The following TMEM94 variants were observed in gnomAD, a reference collection of about 807,000 sequenced individuals.
TMEM94 encodes ER Mg2+ ATPase.
TMEM94 carries 81 observed loss-of-function variants against 158.6 expected under a neutral mutation model. That is an observed-to-expected ratio of 0.51 (90% CI 0.43 to 0.61). The LOEUF is 0.61. Ranked by LOEUF, TMEM94 falls within the 20% of genes least tolerant of loss-of-function variation. The pLI, the probability that TMEM94 is intolerant of heterozygous loss-of-function variation, is 0.00. For synonymous variants in TMEM94, 751 were observed against 730.7 expected, an observed-to-expected ratio of 1.03 and a Z score of -0.45; for missense variants, 1,435 against 1,762.0, an observed-to-expected ratio of 0.81 and a Z score of 3.32.
chr17:75,493,735 G>T lies in TMEM94; in HGVS notation c.2226G>T (p.Leu742=), dbSNP rs1029359270. Residue 742 remains leucine (L), a synonymous_variant, in exon 18 of 32, where the codon CTG becomes CTT. Coordinates refer to ENST00000314256, the MANE Select transcript of TMEM94 (RefSeq NM_014738.6). ...KVLDFYQRAC[L]SGYCSAFAYK... ...TGGACTTCTACCAGCGAGCCTGCCT[G>T]TCTGGGTATTGCTCTGCCTTCGCCT... is the stretch of plus-strand genomic sequence containing the variant. 1.2e-6 allele frequency: 2 copies of T among 1,614,126 alleles called. No individual in the cohort carries two copies. The highest frequency in any genetic ancestry group is 1.7e-6 in the Non-Finnish European group (2 of 1,180,040).
intron 1 of TMEM94, chr17:75,457,417 AC>A (rs895489031): frequency 2.0e-5 from 3 of 152,220 alleles, no homozygotes; most frequent in African/African-American, 7.2e-5. Context: ...CTAGCATGCC[AC>A]GATGCGGCCC....
At chr17:75,475,772 T>C (rs1400633853) in intron 2 of TMEM94, among the ~76,000 whole-genome samples, 1 of 152,178 alleles carries the variant, frequency 6.6e-6, no homozygotes, top group African/African-American at 2.4e-5. Context: ...TCTGAATGTA[T>C]TGGGGCATCA....
chr17:75,489,159 C>A lies in TMEM94; in HGVS notation c.765-107C>A. On this transcript the variant is annotated intron_variant, in intron 7 of 31. Transcript: ENST00000314256. The surrounding 1 kb of genome is among the most constrained non-coding windows in gnomAD (Gnocchi z 5.0). Reference sequence around the variant, plus strand: ...GGGCAGAGCGTGGAACTGCAGGACTCACGGTGCTTGAAGAAGCGGTATCTG... The same window carrying A: ...GGGCAGAGCGTGGAACTGCAGGACTAACGGTGCTTGAAGAAGCGGTATCTG... 2.7e-6 allele frequency: 3 copies of A among 1,114,292 alleles called. No homozygotes were observed. Among genetic ancestry groups the A allele is most frequent in the Non-Finnish European group, 4.0e-6 (3 of 752,472 alleles). The allele number at this position is 1,114,292 out of a possible 1,614,324, so 69.0% of individuals were successfully genotyped here. A position where few individuals can be genotyped will look rare whatever the true frequency, so the allele number is the denominator to read the frequency against.
intron 1 of TMEM94, among the ~76,000 whole-genome samples, chr17:75,465,369 C>T (rs894572118): frequency 6.6e-6 from 1 of 151,880 alleles, no homozygotes; most frequent in African/African-American, 2.4e-5. Flanking sequence ...ACCATCTTTT[C>T]ATATTCATAT....
intron 2 of TMEM94, among the ~76,000 whole-genome samples, chr17:75,475,956 ATCT>A (rs2050671037): frequency 6.6e-6 from 1 of 152,154 alleles, no homozygotes; most frequent in South Asian, 2.1e-4. Flanking sequence ...CACTGCTCAA[ATCT>A]TCTCAGCGGC....
intron 1 of TMEM94, among the ~76,000 whole-genome samples, chr17:75,461,561 G>GC (rs1473449474): frequency 6.6e-6 from 1 of 152,102 alleles, no homozygotes; most frequent in African/African-American, 2.4e-5. Context: ...CCATTCCCTA[G>GC]CCACTCAGTT....
intron 5 of TMEM94, 142 bp downstream of exon 5, chr17:75,486,568 G>T (rs1044354171): frequency 9.6e-7 from 1 of 1,037,256 alleles, no homozygotes; most frequent in East Asian, 2.6e-5. Flanking sequence ...GAGTTAGAAG[G>T]ATGCCCACTC....
Position 75,488,732 on chromosome 17 carries a change from T to G in TMEM94, c.613-27T>G, listed in dbSNP as rs760881538. On this transcript the variant is annotated intron_variant, in intron 6 of 31. Transcript: ENST00000314256. ...GTGGCCTCTGATAGGACCCTCTCGT[T>G]CCCACTCTCCCACTTGCTGCCGGCA... 2.5e-6 allele frequency: 4 copies of G among 1,613,136 alleles called. No individual in the cohort carries two copies. The Admixed American group carries it at 6.7e-5, about 27-fold the overall frequency.
chr17:75,463,151 C>T (rs1178108534), intron 1 of TMEM94, among the ~76,000 whole-genome samples: 4 of 30,028 alleles, frequency 1.3e-4, no homozygotes, highest in Non-Finnish European at 2.3e-4. Flanking sequence ...TATATATACA[C>T]GTATATATAT....
chr17:75,490,818 T>G, intron 11 of TMEM94, 60 bp downstream of exon 11: 1 of 1,501,032 alleles, frequency 6.7e-7, no homozygotes, highest in Non-Finnish European at 9.3e-7. Flanking sequence ...ACCCTGGGAC[T>G]CCCCTATTTA....
chr17:75,485,284 G>A lies in TMEM94; in HGVS notation c.25-144G>A, dbSNP rs1250038756. ...GGAGATGGACATGGTCACACCTTGA[G>A]AGGCCAGAGCTGGTAGGGGAAGAGA... is the stretch of plus-strand genomic sequence containing the variant. On this transcript the variant is annotated intron_variant, in intron 2 of 31. Transcript: ENST00000314256. This position sits in a 1 kb window ranked among gnomAD's most constrained non-coding sequence, Gnocchi z 5.5. 4.6e-6 allele frequency: 4 copies of A among 865,302 alleles called. No homozygotes were observed. Among genetic ancestry groups the A allele is most frequent in the Non-Finnish European group, 1.8e-6 (1 of 570,262 alleles). The allele number at this position is 865,302 out of a possible 1,614,324, so 53.6% of individuals were successfully genotyped here.
chr17:75,480,256 G>A (rs2051056333), intron 2 of TMEM94, among the ~76,000 whole-genome samples: 2 of 152,226 alleles, frequency 1.3e-5, no homozygotes, highest in African/African-American at 2.4e-5. Context: ...CTCACTGCAG[G>A]GCTGGCCTGT....
At chr17:75,475,174 C>G (rs542692354) in intron 2 of TMEM94, among the ~76,000 whole-genome samples, 4 of 152,152 alleles carry the variant, frequency 2.6e-5, no homozygotes, top group African/African-American at 7.2e-5. Flanking sequence ...CAGTGGCTGG[C>G]GTGGAAGCTG....
intron 6 of TMEM94, 65 bp from the exon 7 acceptor site, chr17:75,488,694 T>C (rs2051849348): frequency 1.9e-6 from 3 of 1,581,394 alleles, no homozygotes; most frequent in Non-Finnish European, 2.6e-6. Flanking sequence ...CTTAGATGAA[T>C]TGTCCAGGAA....
Position 75,487,817 on chromosome 17 carries a change from G to T in TMEM94, c.410-115G>T. ...GTTGGAACGAGTGGAGGGGTTTGAC[G>T]CAGACCTCCTGGGAGAGGAAGTGGG... On this transcript the variant is annotated intron_variant, in intron 5 of 31. Coordinates refer to ENST00000314256, the MANE Select transcript of TMEM94 (RefSeq NM_014738.6). This position sits in a 1 kb window ranked among gnomAD's most constrained non-coding sequence, Gnocchi z 4.6. The T allele has an allele frequency of 2.4e-6, 2 of 839,274 alleles. No individual in the cohort carries two copies. Among genetic ancestry groups the T allele is most frequent in the South Asian group, 3.2e-5 (2 of 61,898 alleles). 52.0% of individuals were successfully genotyped at this position (839,274 alleles called of 1,614,324 possible).
intron 2 of TMEM94, among the ~76,000 whole-genome samples, chr17:75,484,748 T>C (rs866289978): frequency 2.6e-5 from 4 of 151,816 alleles, no homozygotes; most frequent in African/African-American, 7.3e-5. Flanking sequence ...AAAAAAGATA[T>C]ATTTTAGGCC....
At position 75,494,972 on chromosome 17, in the gene TMEM94, G is replaced by T; in HGVS notation, c.2666G>T (p.Gly889Val). The T allele has an allele frequency of 6.2e-7, 1 of 1,613,398 alleles. No homozygotes were observed. The highest frequency in any genetic ancestry group is 8.5e-7 in the Non-Finnish European group (1 of 1,180,000). The change falls in exon 20 of 32, where the codon GGC becomes GTC. Residue 889 changes from glycine (G) to valine (V), a missense_variant. By Grantham distance (109) the Gly-to-Val change is moderately radical (BLOSUM62 -3). This residue lies in a region of TMEM94 where 1,051 missense variants were observed against 1,254.4 expected (regional missense o/e 0.84). Transcript: ENST00000314256. Reference protein sequence around the residue: ...ISLTPNGDMPGSEIPPSSPSH... With the variant: ...ISLTPNGDMPVSEIPPSSPSH... Reference sequence around the variant, plus strand: ...CTCACACCCAATGGTGACATGCCTGGCTCCGAGATCCCCCCCTCCAGCCCC... The same window carrying T: ...CTCACACCCAATGGTGACATGCCTGTCTCCGAGATCCCCCCCTCCAGCCCC...
In TMEM94 at chr17:75,486,401, GC is replaced by G; in HGVS notation, c.385del (p.Arg129GlufsTer60). ...AGCGTCGGGAGGTAGAGCGGAGGCTGCGAGGGATCATTGACCAAATCCAAGG... is the reference window on the plus strand; with the variant it reads ...AGCGTCGGGAGGTAGAGCGGAGGCTGGAGGGATCATTGACCAAATCCAAGG... ...LKRREVERRL[R>X]GIIDQIQDAL... On this transcript the variant is annotated frameshift_variant, in exon 5 of 32. Coordinates refer to ENST00000314256, the MANE Select transcript of TMEM94 (RefSeq NM_014738.6). LOFTEE classifies it high-confidence loss of function. The G allele has an allele frequency of 1.9e-6, 3 of 1,614,230 alleles. No homozygotes were observed. Among genetic ancestry groups the G allele is most frequent in the Non-Finnish European group, 2.5e-6 (3 of 1,180,028 alleles).
chr17:75,478,329 TAAA>T (rs57199058), intron 2 of TMEM94, among the ~76,000 whole-genome samples: 8 of 97,524 alleles, frequency 8.2e-5, no homozygotes, highest in Admixed American at 2.1e-4. Flanking sequence ...GACTCCATCT[TAAA>T]AAAAAAAAAA....
Sources: gnomAD v4.1 joint callset for allele counts (sites outside exome capture counted in the v4.1 genomes callset) on GRCh38, gnomAD v4.1.1 for gene constraint, gnomAD v4.1.1 regional missense constraint, Gnocchi (gnomAD v3.1) non-coding constraint, MANE v1.5 for transcripts, NCBI Gene and HGNC (gene_info 2026-07-23, HGNC 2026-07-21) for gene names.